The following MEI4 variants were observed in gnomAD, a reference collection of about 807,000 sequenced individuals.
MEI4 encodes meiosis-specific protein MEI4.
In MEI4, 27 loss-of-function variants were observed where a neutral mutation model predicts 31.4. The ratio of observed to expected loss-of-function variants is 0.86; its 90% CI spans 0.63 to 1.19. MEI4 has a LOEUF of 1.19. Among genes scored for constraint, MEI4 ranks in the 50% most tolerant of loss-of-function variants. The pLI is 0.00. For synonymous variants in MEI4, 122 were observed against 145.4 expected, an observed-to-expected ratio of 0.84 and a Z score of 1.16; for missense variants, 329 against 398.9, an observed-to-expected ratio of 0.82 and a Z score of 1.49.
intron 3 of MEI4, among the ~76,000 whole-genome samples, chr6:77,766,047 A>G (rs1768167910): frequency 6.6e-6 from 1 of 152,044 alleles, no homozygotes; most frequent in Non-Finnish European, 1.5e-5. Context: ...TATTAACACC[A>G]TGACATTCCT....
chr6:77,708,386 G>T (rs74872822), intron 2 of MEI4, among the ~76,000 whole-genome samples: 3,106 of 152,336 alleles, frequency 0.02, 115 homozygotes, highest in African/African-American at 0.07. Flanking sequence ...AATGTTGGAA[G>T]TAAATAACTT....
chr6:77,885,965 G>C (rs1373255213), intron 4 of MEI4, among the ~76,000 whole-genome samples: 1 of 152,004 alleles, frequency 6.6e-6, no homozygotes, highest in African/African-American at 2.4e-5. Flanking sequence ...CTTGTTTATT[G>C]ATTTGTGTAT....
intron 2 of MEI4, among the ~76,000 whole-genome samples, chr6:77,719,050 C>T (rs1379260464): frequency 3.0e-5 from 4 of 133,494 alleles, no homozygotes; most frequent in Non-Finnish European, 6.5e-5. Context: ...ATTTTTTATG[C>T]TTATGTTTGT....
chr6:77,902,817 T>C (rs1581964790), intron 4 of MEI4, among the ~76,000 whole-genome samples: 1 of 152,082 alleles, frequency 6.6e-6, no homozygotes, highest in Non-Finnish European at 1.5e-5. Context: ...CTTCAAGTTG[T>C]CCCGCCTCAT....
intron 4 of MEI4, among the ~76,000 whole-genome samples, chr6:77,863,884 G>A (rs1467396794): frequency 6.6e-6 from 1 of 152,164 alleles, no homozygotes; most frequent in Non-Finnish European, 1.5e-5. Context: ...CTGATCTCTT[G>A]GCAGAAACTC....
intron 4 of MEI4, among the ~76,000 whole-genome samples, chr6:77,870,147 A>AGT (rs1333471901): frequency 7.9e-5 from 12 of 152,204 alleles, no homozygotes; most frequent in African/African-American, 2.9e-4. Context: ...ATAGTATGAA[A>AGT]GTGATACCCA....
intron 4 of MEI4, among the ~76,000 whole-genome samples, chr6:77,905,749 G>A (rs1338077677): frequency 2.0e-5 from 3 of 150,436 alleles, no homozygotes; most frequent in Non-Finnish European, 3.0e-5. Context: ...GCCCACCTCG[G>A]CCTCCCAGAG....
chr6:77,874,145 G>C (rs568209052), intron 4 of MEI4, among the ~76,000 whole-genome samples: 1 of 152,262 alleles, frequency 6.6e-6, no homozygotes, highest in Non-Finnish European at 1.5e-5. Flanking sequence ...TGTGAAGAAA[G>C]TCTTTGGTAG....
At chr6:77,701,665 A>G (rs1766226155) in intron 2 of MEI4, among the ~76,000 whole-genome samples, 1 of 152,088 alleles carries the variant, frequency 6.6e-6, no homozygotes, top group African/African-American at 2.4e-5. Context: ...CATAAATCAT[A>G]GGCTACAGGA....
intron 3 of MEI4, among the ~76,000 whole-genome samples, chr6:77,791,694 AAAT>A (rs1768940913): frequency 1.6e-5 from 2 of 123,802 alleles, no homozygotes; most frequent in East Asian, 8.2e-4. Context: ...AAAAAAAAAG[AAAT>A]ATCTGTACAT....
At chr6:77,863,415 C>T (rs907815419) in intron 4 of MEI4, among the ~76,000 whole-genome samples, 1 of 151,968 alleles carries the variant, frequency 6.6e-6, no homozygotes, top group African/African-American at 2.4e-5. Flanking sequence ...AAAACCAAGG[C>T]ACGGGAACTA....
At chr6:77,687,629 C>T (rs1054584606) in intron 1 of MEI4, among the ~76,000 whole-genome samples, 1 of 152,032 alleles carries the variant, frequency 6.6e-6, no homozygotes, top group Non-Finnish European at 1.5e-5. Context: ...TTCTCACAAC[C>T]CTTCTAGTCA....
chr6:77,837,217 A>G (rs1486038786), intron 4 of MEI4, among the ~76,000 whole-genome samples: 1 of 152,170 alleles, frequency 6.6e-6, no homozygotes, highest in Non-Finnish European at 1.5e-5. Context: ...GATAAACTAA[A>G]TCAAATGATA....
At chr6:77,754,223 C>T (rs1767856660) in intron 2 of MEI4, among the ~76,000 whole-genome samples, 1 of 152,060 alleles carries the variant, frequency 6.6e-6, no homozygotes, top group South Asian at 2.1e-4. Flanking sequence ...GCATGTTCTG[C>T]ACATGTACCC....
At chr6:77,704,646 C>G (rs1430463659) in intron 2 of MEI4, among the ~76,000 whole-genome samples, 1 of 152,170 alleles carries the variant, frequency 6.6e-6, no homozygotes, top group East Asian at 1.9e-4. Context: ...TGTGGCTTAA[C>G]AGGCCCCCCA....
chr6:77,868,922 A>G (rs2127724585), intron 4 of MEI4, among the ~76,000 whole-genome samples: 1 of 152,192 alleles, frequency 6.6e-6, no homozygotes, highest in East Asian at 1.9e-4. Context: ...CTAGAAGAAC[A>G]GCACCCATGG....
In MEI4 at chr6:77,920,211, G is replaced by A. The variant is rs553565762; in HGVS notation, c.901-2878G>A. Among the ~76,000 whole-genome samples the A allele has an allele frequency of 1.5e-4, 23 of 151,898 alleles. 1 individual carries two copies. The highest frequency in any genetic ancestry group is 9.9e-4 in the Admixed American group (15 of 15,194). ...GACACCACCAAAAAAGAGAATTTTA[G>A]ACCAATATCCTTGATGAACATTGAT... On this transcript the variant is annotated intron_variant, in intron 4 of 4. Coordinates refer to ENST00000684080, the MANE Select transcript of MEI4 (RefSeq NM_001322247.2).
chr6:77,807,589 C>G (rs1478342607), intron 3 of MEI4, among the ~76,000 whole-genome samples: 1 of 152,138 alleles, frequency 6.6e-6, no homozygotes, highest in Admixed American at 6.5e-5. Flanking sequence ...ATCAATACTG[C>G]TAACCCTGCT....
At chr6:77,691,825 C>T (rs921340912) in intron 2 of MEI4, among the ~76,000 whole-genome samples, 1 of 151,846 alleles carries the variant, frequency 6.6e-6, no homozygotes, top group Non-Finnish European at 1.5e-5. Context: ...CAAACTAGAA[C>T]GTGTGGTTAC....
Sources: allele counts gnomAD v4.1 joint callset (sites outside exome capture counted in the v4.1 genomes callset), GRCh38; gene constraint gnomAD v4.1.1; transcripts MANE v1.5; gene names NCBI Gene and HGNC (gene_info 2026-07-23, HGNC 2026-07-21).